Variants in AGMO observed in about 807,000 individuals in gnomAD.
The protein encoded by AGMO is glyceryl-ether monooxygenase.
AGMO carries 75 observed loss-of-function variants against 60.2 expected under a neutral mutation model. That is an observed-to-expected ratio of 1.25 (90% CI 1.03 to 1.51). AGMO has a LOEUF of 1.51. AGMO is among the 40% of genes most tolerant of loss of function. The pLI, the probability that AGMO is intolerant of heterozygous loss-of-function variation, is 0.00. For synonymous variants in AGMO, 261 were observed against 177.1 expected (o/e 1.47, Z -3.76); for missense variants, 763 against 525.5 (o/e 1.45, Z -4.42).
intron 10 of AGMO, among the ~76,000 whole-genome samples, chr7:15,372,601 G>C (rs535154774): frequency 1.3e-5 from 2 of 151,870 alleles, no homozygotes; most frequent in Non-Finnish European, 2.9e-5. Context: ...GTATTTGCCC[G>C]TAAGACCACT....
intron 3 of AGMO, among the ~76,000 whole-genome samples, chr7:15,474,335 A>G (rs1356121677): frequency 6.6e-6 from 1 of 152,174 alleles, no homozygotes; most frequent in East Asian, 1.9e-4. Context: ...ACAGCTTGGT[A>G]CTGGTACCAA....
intron 10 of AGMO, among the ~76,000 whole-genome samples, chr7:15,372,326 C>A (rs1783253901): frequency 6.6e-6 from 1 of 152,070 alleles, no homozygotes; most frequent in African/African-American, 2.4e-5. Context: ...TGGCACACAC[C>A]TGTAGTCCCA....
the AGMO span, among the ~76,000 whole-genome samples, chr7:15,178,290 T>G: frequency 1.3e-5 from 2 of 152,214 alleles, no homozygotes; most frequent in Non-Finnish European, 2.9e-5. Flanking sequence ...ACTGACTTCA[T>G]TGATAGATTG....
chr7:15,385,594 G>A (rs375058797), intron 9 of AGMO, 32 bp from the exon 10 acceptor site: 1 of 1,200,448 alleles, frequency 8.3e-7, no homozygotes, highest in South Asian at 1.3e-5. Context: ...CCTTTATATT[G>A]CTCCAGACTC....
At chr7:15,269,495 T>C (rs972274821) in intron 12 of AGMO, among the ~76,000 whole-genome samples, 4 of 151,168 alleles carry the variant, frequency 2.6e-5, no homozygotes, top group Non-Finnish European at 4.4e-5. Context: ...GAGGCGGAGG[T>C]GAAGGTTAGA....
intron 5 of AGMO, among the ~76,000 whole-genome samples, chr7:15,414,333 A>G (rs529096848): frequency 5.9e-5 from 9 of 152,286 alleles, no homozygotes; most frequent in African/African-American, 1.9e-4. Flanking sequence ...AGATTAGCAC[A>G]TGTGAGAATG....
At chr7:15,376,208 TA>T (rs1783443863) in intron 10 of AGMO, among the ~76,000 whole-genome samples, 1 of 151,988 alleles carries the variant, frequency 6.6e-6, no homozygotes, top group South Asian at 2.1e-4. Flanking sequence ...CCACATTACG[TA>T]ACTTAGTTAC....
In AGMO at chr7:15,449,847, A is replaced by G. The variant is rs77960485; in HGVS notation, c.410-18739T>C. Among the ~76,000 whole-genome samples, 725 of 152,342 alleles carry G rather than the reference A, an allele frequency of 4.8e-3. 5 individuals carry two copies. The highest frequency in any genetic ancestry group is 0.017 in the African/African-American group (688 of 41,582). On this transcript the variant is annotated intron_variant, in intron 3 of 12. Transcript: ENST00000342526. ...ATGAGTAAAGTCAAGTCCACAAAAT[A>G]TGAACAACTTAATAATGTCCCACTT...
At position 15,230,040 on chromosome 7, in the gene AGMO, T is replaced by C. The variant is rs193150246; in HGVS notation, c.1264-28681A>G. ...TATACAATTTACATTAATTTCTTAT[T>C]TTAAAACAATAAATGTCTACACATA... On this transcript the variant is annotated intron_variant, in intron 12 of 12. Transcript: ENST00000342526. Among the ~76,000 whole-genome samples the C allele has an allele frequency of 2.2e-3, 327 of 151,958 alleles. 1 individual carries two copies. Among genetic ancestry groups the C allele is most frequent in the African/African-American group, 7.4e-3 (309 of 41,534 alleles).
chr7:15,311,060 C>T (rs994474358), intron 12 of AGMO, among the ~76,000 whole-genome samples: 1 of 152,054 alleles, frequency 6.6e-6, no homozygotes, highest in Non-Finnish European at 1.5e-5. Context: ...AGCTGATTTG[C>T]AACTTAACAT....
At chr7:15,543,835 C>T (rs1784696027) in intron 3 of AGMO, among the ~76,000 whole-genome samples, 1 of 151,116 alleles carries the variant, frequency 6.6e-6, no homozygotes, top group African/African-American at 2.4e-5. Flanking sequence ...AGTGGGATTG[C>T]CGGATCAAAT....
At chr7:15,244,349 T>G (rs1447340788) in intron 12 of AGMO, among the ~76,000 whole-genome samples, 2 of 152,130 alleles carry the variant, frequency 1.3e-5, no homozygotes, top group African/African-American at 4.8e-5. Flanking sequence ...TTCTCTCCCT[T>G]TTTTTGTAAA....
rs191195003 is a variant in AGMO, at chr7:15,246,167, T to C, written c.1264-44808A>G. On this transcript the variant is annotated intron_variant, in intron 12 of 12. Coordinates refer to ENST00000342526, the MANE Select transcript of AGMO (RefSeq NM_001004320.2). ...TTAGGGATTAAGTTTTATGCCAAAG[T>C]GATTACACATTCCAGCGTTAGCTCT... 1.5e-3 allele frequency among the ~76,000 whole-genome samples: 235 copies of C among 152,348 alleles called. 1 individual carries two copies. Among genetic ancestry groups the C allele is most frequent in the Non-Finnish European group, 2.7e-3 (186 of 68,018 alleles).
At chr7:15,188,239 T>G in the AGMO span, among the ~76,000 whole-genome samples, 1 of 152,192 alleles carries the variant, frequency 6.6e-6, no homozygotes, top group Non-Finnish European at 1.5e-5. Context: ...GGCAGTCCTA[T>G]CACTAGTTGT....
chr7:15,452,634 G>A (rs1259120820), intron 3 of AGMO, among the ~76,000 whole-genome samples: 1 of 152,208 alleles, frequency 6.6e-6, no homozygotes, highest in Non-Finnish European at 1.5e-5. Context: ...CATTGCCGGT[G>A]TGTATGTAAA....
chr7:15,477,674 T>C (rs1186810093), intron 3 of AGMO, among the ~76,000 whole-genome samples: 5 of 152,242 alleles, frequency 3.3e-5, no homozygotes, highest in South Asian at 4.1e-4. Flanking sequence ...GTTTCAGATA[T>C]CAAATTTGTT....
At chr7:15,213,809 C>T (rs1583296820) in intron 12 of AGMO, among the ~76,000 whole-genome samples, 1 of 152,100 alleles carries the variant, frequency 6.6e-6, no homozygotes, top group East Asian at 1.9e-4. Context: ...GTAGATAAAG[C>T]ATCAGCAGTA....
intron 2 of AGMO, among the ~76,000 whole-genome samples, chr7:15,551,935 G>C (rs1784971724): frequency 6.6e-6 from 1 of 151,428 alleles, no homozygotes; most frequent in Admixed American, 6.6e-5. Flanking sequence ...CAAGGCTACA[G>C]TAACCAAAAC....
At chr7:15,182,723 A>G in the AGMO span, among the ~76,000 whole-genome samples, 1 of 152,102 alleles carries the variant, frequency 6.6e-6, no homozygotes, top group South Asian at 2.1e-4. Context: ...AGCCTCAACA[A>G]TACACTTTGT....
Sources: allele counts gnomAD v4.1 joint callset (sites outside exome capture counted in the v4.1 genomes callset), GRCh38; gene constraint gnomAD v4.1.1; transcripts MANE v1.5; gene names NCBI Gene and HGNC (gene_info 2026-07-23, HGNC 2026-07-21).